Variants in NEIL2 observed in about 807,000 individuals in gnomAD.
NEIL2 encodes endonuclease 8-like 2.
Under a neutral mutation model 22.2 loss-of-function variants are expected in NEIL2, and 23 were observed. The ratio of observed to expected loss-of-function variants is 1.04; its 90% CI spans 0.75 to 1.47. The LOEUF (loss-of-function observed/expected upper bound fraction) is 1.47. Ranked by LOEUF, NEIL2 falls within the 40% of genes most tolerant of loss-of-function variation. The pLI is 0.00. For synonymous variants in NEIL2, 229 were observed against 164.8 expected (o/e 1.39, Z -2.99); for missense variants, 583 against 404.7 (o/e 1.44, Z -3.78).
chr8:11,769,921 AG>A lies in NEIL2; in HGVS notation c.-415del, dbSNP rs996266081. 6.6e-6 allele frequency: 1 copy of A among 152,256 alleles called. No homozygotes were observed. The highest frequency in any genetic ancestry group is 1.5e-5 in the Non-Finnish European group (1 of 68,158). The allele number at this position is 152,256 out of a possible 1,614,324, so 9.4% of individuals were successfully genotyped here. ...CTGCGGAGGTGCTGCCCACGCCTGGAGGCCCCCACTGACCCTCAGACCCGCG... is the reference window on the plus strand; with the variant it reads ...CTGCGGAGGTGCTGCCCACGCCTGGAGCCCCCACTGACCCTCAGACCCGCG... On this transcript the variant is annotated 5_prime_UTR_variant, in exon 1 of 5. Transcript: ENST00000284503.
Position 11,779,788 on chromosome 8 carries a change from AG to A in NEIL2, c.332del (p.Gly111AlafsTer33). On this transcript the variant is annotated frameshift_variant, in exon 3 of 5. Transcript: ENST00000284503. LOFTEE classifies it high-confidence loss of function. ...TCACGGTCTGCAGAGCTCGTCCCCC[AG>A]GGCGAGGATGATTCTGAGTATTTGG... ...GSSRSAELVP[Q>X]GEDDSEYLER... 6.2e-7 allele frequency: 1 copy of A among 1,614,182 alleles called. No individual in the cohort carries two copies. The highest frequency in any genetic ancestry group is 1.7e-5 in the Admixed American group (1 of 60,018).
At chr8:11,772,104 G>A (rs8191539) in intron 2 of NEIL2, among the ~76,000 whole-genome samples, 4 of 152,184 alleles carry the variant, frequency 2.6e-5, no homozygotes, top group Non-Finnish European at 5.9e-5. Flanking sequence ...TCGGGAAGCT[G>A]AGGCAGGAGA....
At chr8:11,779,482 G>A in intron 2 of NEIL2, 116 bp from the exon 3 acceptor site, 1 of 870,070 alleles carries the variant, frequency 1.1e-6, no homozygotes, top group African/African-American at 1.7e-5. Context: ...GACTTCATTT[G>A]GGAAGGCCCC....
rs74501346 is a variant in NEIL2, at chr8:11,771,366, G to A, written c.-2-80G>A. The stretch of plus-strand genomic sequence containing the variant: ...AGTTGGCAGCAAAAATGGCGGCATG[G>A]AGGATGCTTGGCACCTGTTAAAGAT... On this transcript the variant is annotated intron_variant, in intron 1 of 4. Transcript: ENST00000284503. 3,875 of 1,576,050 alleles carry A rather than the reference G, an allele frequency of 2.5e-3. 55 individuals are homozygous for A. The highest frequency in any genetic ancestry group is 0.02 in the South Asian group (1,790 of 89,932).
chr8:11,773,668 G>A (rs8191553), intron 2 of NEIL2, among the ~76,000 whole-genome samples: 1,642 of 152,248 alleles, frequency 0.011, 28 homozygotes, highest in African/African-American at 0.037. Flanking sequence ...AGTTACAGGC[G>A]GGCCGATGGA....
At chr8:11,776,228 C>T (rs995524558) in intron 2 of NEIL2, among the ~76,000 whole-genome samples, 2 of 152,196 alleles carry the variant, frequency 1.3e-5, no homozygotes, top group Admixed American at 1.3e-4. Context: ...AGAGCATGTG[C>T]AGGGGAACTG....
chr8:11,778,590 G>A (rs1395094859), intron 2 of NEIL2, among the ~76,000 whole-genome samples: 1 of 152,042 alleles, frequency 6.6e-6, no homozygotes, highest in African/African-American at 2.4e-5. Flanking sequence ...TTCAGGCTGT[G>A]TAGAACTGAC....
At chr8:11,783,029 A>C (rs1182597189) in intron 3 of NEIL2, 174 bp from the exon 4 acceptor site, 1 of 661,814 alleles carries the variant, frequency 1.5e-6, no homozygotes, top group African/African-American at 2.1e-5. Flanking sequence ...CTCTGACTAT[A>C]CTGTGGTAAC....
At chr8:11,781,240 G>A (rs936344761) in intron 3 of NEIL2, among the ~76,000 whole-genome samples, 1 of 152,182 alleles carries the variant, frequency 6.6e-6, no homozygotes, top group African/African-American at 2.4e-5. Context: ...TAGCTTCTGT[G>A]GTCTGGAGAT....
At chr8:11,781,051 G>T (rs568000472) in intron 3 of NEIL2, among the ~76,000 whole-genome samples, 30 of 152,118 alleles carry the variant, frequency 2.0e-4, no homozygotes, top group African/African-American at 7.0e-4. Flanking sequence ...TATTTTTCTT[G>T]GTTGCTTGTA....
At position 11,783,254 on chromosome 8, in the gene NEIL2, G is replaced by C. The variant is rs1453779249; in HGVS notation, c.543G>C (p.Gln181His). 1.9e-5 allele frequency: 31 copies of C among 1,614,138 alleles called. No homozygotes were observed. Among genetic ancestry groups the C allele is most frequent in the South Asian group, 2.2e-5 (2 of 91,094 alleles). ...GGGFLAFYNCQLSWSSSPVVT... is the reference protein window; with the variant it reads ...GGGFLAFYNCHLSWSSSPVVT... ...GCTTCCTGGCATTTTATAATTGTCA[G>C]TTGTCTTGGAGCTCTTCCCCAGTGG... Residue 181 changes from glutamine (Q) to histidine (H), a missense_variant, in exon 4 of 5, where the codon CAG (glutamine) becomes CAC (histidine). Gln to His is a conservative substitution (Grantham distance 24, BLOSUM62 0). Coordinates refer to ENST00000284503, the MANE Select transcript of NEIL2 (RefSeq NM_145043.4).
chr8:11,778,270 C>G (rs910526397), intron 2 of NEIL2, among the ~76,000 whole-genome samples: 1 of 145,874 alleles, frequency 6.9e-6, no homozygotes, highest in African/African-American at 2.5e-5. Context: ...TTCTATTATG[C>G]CCACTTAAAT....
chr8:11,770,706 C>T (rs1803362292), intron 1 of NEIL2, among the ~76,000 whole-genome samples: 1 of 152,098 alleles, frequency 6.6e-6, no homozygotes, highest in Non-Finnish European at 1.5e-5. Flanking sequence ...GCCCGAACAG[C>T]CCGGGTGTAC....
chr8:11,772,738 G>A (rs913673740), intron 2 of NEIL2, among the ~76,000 whole-genome samples: 2 of 152,148 alleles, frequency 1.3e-5, no homozygotes, highest in African/African-American at 4.8e-5. Flanking sequence ...GAGCTCACGC[G>A]CTCTGCTGCT....
At chr8:11,774,955 G>T (rs1803780170) in intron 2 of NEIL2, among the ~76,000 whole-genome samples, 1 of 152,232 alleles carries the variant, frequency 6.6e-6, no homozygotes, top group Non-Finnish European at 1.5e-5. Flanking sequence ...CGTCATCCTG[G>T]CTGCTTTCAC....
chr8:11,786,286 G>A lies in NEIL2; in HGVS notation c.*13G>A. 2 of 1,604,516 alleles carry A rather than the reference G, an allele frequency of 1.2e-6. No homozygotes were observed. Among genetic ancestry groups the A allele is most frequent in the Non-Finnish European group, 1.7e-6 (2 of 1,177,564 alleles). ...CCAGTTCTCCTAAGGAGCTGGTGGT[G>A]CTCCTCACGGAACCTTGCCGCTTGG... On this transcript the variant is annotated 3_prime_UTR_variant, in exon 5 of 5. Transcript: ENST00000284503.
intron 2 of NEIL2, among the ~76,000 whole-genome samples, chr8:11,774,320 A>C (rs1422389911): frequency 6.6e-6 from 1 of 152,166 alleles, no homozygotes; most frequent in African/African-American, 2.4e-5. Flanking sequence ...GGTTGCAGTG[A>C]GCTGAGATCG....
At chr8:11,784,875 A>G (rs1203537305) in intron 4 of NEIL2, among the ~76,000 whole-genome samples, 1 of 152,100 alleles carries the variant, frequency 6.6e-6, no homozygotes, top group Non-Finnish European at 1.5e-5. Flanking sequence ...TATTTCATTT[A>G]TTTTATTTTT....
At chr8:11,785,199 A>G (rs897312338) in intron 4 of NEIL2, among the ~76,000 whole-genome samples, 1 of 148,690 alleles carries the variant, frequency 6.7e-6, no homozygotes. Context: ...TTTAATTTAA[A>G]AAAAAATTTT....
Sources: gnomAD v4.1 joint callset for allele counts (sites outside exome capture counted in the v4.1 genomes callset) on GRCh38, gnomAD v4.1.1 for gene constraint, MANE v1.5 for transcripts, NCBI Gene and HGNC (gene_info 2026-07-23, HGNC 2026-07-21) for gene names.